Variants in WDFY3 observed in about 807,000 individuals in gnomAD.
The protein encoded by WDFY3 is WD repeat and FYVE domain-containing protein 3.
Under a neutral mutation model 409.6 loss-of-function variants are expected in WDFY3, and 66 were observed. That is an observed-to-expected ratio of 0.16 (90% confidence interval 0.13 to 0.20). The LOEUF is 0.20. WDFY3 is among the 10% of genes least tolerant of loss of function. The probability of loss-of-function intolerance (pLI) is 1.00; values close to 1 mark genes in which losing one functional copy is unlikely to be tolerated. For missense variants in WDFY3, 3,031 were observed against 4,298.1 expected (o/e 0.71, Z 8.24); for synonymous variants, 1,521 against 1,537.1 (o/e 0.99, Z 0.25).
chr4:84,826,457 T>C (rs1578699170), intron 10 of WDFY3, among the ~76,000 whole-genome samples: 1 of 152,286 alleles, frequency 6.6e-6, no homozygotes, highest in South Asian at 2.1e-4. Context: ...TATGTCTTAA[T>C]AGGTACAGAG....
intron 58 of WDFY3, among the ~76,000 whole-genome samples, chr4:84,693,418 T>C (rs1300227958): frequency 6.6e-6 from 1 of 152,208 alleles, no homozygotes; most frequent in African/African-American, 2.4e-5. Context: ...CTCTATCTAG[T>C]TGGATTATTT....
rs1213964614 is a variant in WDFY3 at position 84,677,271 on chromosome 4, C to A, written c.10385G>T (p.Gly3462Val). The A allele has an allele frequency of 2.5e-6, 4 of 1,614,122 alleles. No individual in the cohort carries two copies. The African/African-American group carries it at 5.3e-5, about 22-fold the overall frequency. ...TGTGAGTGAAAACCTCACCGAGCAGCCTGAGCAGCTGTCACCACCTTCATC... is the reference window on the plus strand; with the variant it reads ...TGTGAGTGAAAACCTCACCGAGCAGACTGAGCAGCTGTCACCACCTTCATC... ...VKDEGGDSCS[G>V]CSVRFSLTER... is the part of the protein sequence containing the mutation. Residue 3462 changes from glycine to valine, a missense_variant, in exon 67 of 68, where the codon GGC (glycine) becomes GTC (valine). By Grantham distance (109) the Gly-to-Val change is moderately radical. This residue lies in a region of WDFY3 where 378 missense variants were observed against 477.3 expected (regional missense o/e 0.79). Coordinates refer to ENST00000295888, the MANE Select transcript of WDFY3 (RefSeq NM_014991.6).
chr4:84,821,596 T>C (rs1754072152), intron 10 of WDFY3, 45 bp from the exon 11 acceptor site: 1 of 1,496,614 alleles, frequency 6.7e-7, no homozygotes, highest in Non-Finnish European at 9.1e-7. Context: ...TATGTGATAT[T>C]TTAATGATGG....
At chr4:84,737,152 T>C (rs1737587814) in intron 41 of WDFY3, 32 bp downstream of exon 41, 1 of 1,612,824 alleles carries the variant, frequency 6.2e-7, no homozygotes, top group Admixed American at 1.7e-5. Flanking sequence ...CACATGTAAA[T>C]CTCCTGGTGG....
intron 65 of WDFY3, 36 bp from the exon 66 acceptor site, chr4:84,678,315 A>C: frequency 6.6e-7 from 1 of 1,515,946 alleles, no homozygotes; most frequent in Non-Finnish European, 9.2e-7. Context: ...ACATAACTCA[A>C]CTGAGAGAAG....
At chr4:84,807,528 T>C (rs897530502) in intron 15 of WDFY3, among the ~76,000 whole-genome samples, 1 of 152,138 alleles carries the variant, frequency 6.6e-6, no homozygotes, top group Non-Finnish European at 1.5e-5. Flanking sequence ...AGCAGAACCT[T>C]GGGATTCATT....
At chr4:84,696,282 A>G (rs1168413163) in intron 57 of WDFY3, 100 bp from the exon 58 acceptor site, 2 of 1,077,250 alleles carry the variant, frequency 1.9e-6, no homozygotes, top group Non-Finnish European at 2.7e-6. Context: ...TAAAATAACT[A>G]AAAATCATAA....
At chr4:84,697,838 A>AT (rs1730379554) in intron 56 of WDFY3, among the ~76,000 whole-genome samples, 1 of 152,204 alleles carries the variant, frequency 6.6e-6, no homozygotes, top group Non-Finnish European at 1.5e-5. Context: ...CACAAAGCCA[A>AT]TTCCAAGTGG....
intron 4 of WDFY3, among the ~76,000 whole-genome samples, chr4:84,858,004 T>A (rs1760013473): frequency 6.6e-6 from 1 of 152,206 alleles, no homozygotes; most frequent in South Asian, 2.1e-4. Flanking sequence ...ATCTCCAACC[T>A]TCACTGAGCC....
chr4:84,890,902 G>C (rs1472417041), intron 3 of WDFY3, among the ~76,000 whole-genome samples: 2 of 152,096 alleles, frequency 1.3e-5, no homozygotes, highest in Non-Finnish European at 2.9e-5. Flanking sequence ...CTCCCACTTT[G>C]GGTTCCCAAG....
chr4:84,879,938 T>C (rs1043628272), intron 3 of WDFY3, among the ~76,000 whole-genome samples: 2 of 152,182 alleles, frequency 1.3e-5, no homozygotes, highest in African/African-American at 2.4e-5. Context: ...TTAACGTTTG[T>C]GTGAGGCAGA....
intron 5 of WDFY3, among the ~76,000 whole-genome samples, chr4:84,843,623 T>G (rs1757684577): frequency 6.6e-6 from 1 of 152,138 alleles, no homozygotes; most frequent in South Asian, 2.1e-4. Context: ...GGTCTCAAAC[T>G]CCTGAATTCA....
At chr4:84,948,406 T>A (rs1351355056) in intron 1 of WDFY3, among the ~76,000 whole-genome samples, 1 of 152,086 alleles carries the variant, frequency 6.6e-6, no homozygotes, top group Admixed American at 6.6e-5. Flanking sequence ...TGATTACTGA[T>A]CAACAATACT....
intron 67 of WDFY3, among the ~76,000 whole-genome samples, chr4:84,676,596 GAAAA>G: frequency 7.7e-6 from 1 of 130,290 alleles, no homozygotes; most frequent in East Asian, 2.3e-4. Flanking sequence ...GATAAAAATA[GAAAA>G]AAAAAAACCC....
chr4:84,894,694 G>T (rs552794263), intron 3 of WDFY3, among the ~76,000 whole-genome samples: 72 of 152,060 alleles, frequency 4.7e-4, no homozygotes, highest in Admixed American at 3.5e-3. Context: ...GCTGAGACAA[G>T]AGAATTGCTT....
rs374576588 is a variant in WDFY3 at position 84,708,878 on chromosome 4, T to G, written c.8217+31A>C. On this transcript the variant is annotated intron_variant, in intron 53 of 67. Transcript: ENST00000295888. ...TTTTAAAATTATTTTTGAAAATGTGTTCTACGTAAGCAAAATGACTTAAGA... is the reference window on the plus strand; with the variant it reads ...TTTTAAAATTATTTTTGAAAATGTGGTCTACGTAAGCAAAATGACTTAAGA... 4 of 1,606,362 alleles carry G rather than the reference T, an allele frequency of 2.5e-6. No individual in the cohort carries two copies. In the South Asian group the frequency reaches 4.4e-5, roughly 18 times the overall value.
chr4:84,899,602 C>T (rs181836947), intron 2 of WDFY3, among the ~76,000 whole-genome samples: 65 of 152,276 alleles, frequency 4.3e-4, no homozygotes, highest in Non-Finnish European at 6.5e-4. Context: ...TATTGGAACA[C>T]ATCCACATTC....
intron 64 of WDFY3, among the ~76,000 whole-genome samples, chr4:84,681,064 G>A (rs1159264708): frequency 6.6e-6 from 1 of 152,186 alleles, no homozygotes; most frequent in Non-Finnish European, 1.5e-5. Flanking sequence ...CCGCAAACAA[G>A]CAGCTTTGGA....
intron 3 of WDFY3, among the ~76,000 whole-genome samples, chr4:84,885,698 CA>C (rs1284255332): frequency 6.6e-6 from 1 of 152,098 alleles, no homozygotes; most frequent in Non-Finnish European, 1.5e-5. Context: ...CAGAGCAATA[CA>C]AATTGAAACA....
Sources: allele counts gnomAD v4.1 joint callset (sites outside exome capture counted in the v4.1 genomes callset), GRCh38; gene constraint gnomAD v4.1.1; regional missense constraint gnomAD v4.1.1; transcripts MANE v1.5; gene names NCBI Gene and HGNC (gene_info 2026-07-23, HGNC 2026-07-21).